The following KSR2 variants were observed in gnomAD, a reference collection of about 807,000 sequenced individuals.
The protein encoded by KSR2 is kinase suppressor of ras 2.
In KSR2, 25 loss-of-function variants were observed where a neutral mutation model predicts 107.8. The ratio of observed to expected loss-of-function variants is 0.23; its 90% confidence interval spans 0.17 to 0.32. The LOEUF (loss-of-function observed/expected upper bound fraction) is 0.32, where lower values mean the gene tolerates loss of function less well. Among genes scored for constraint, KSR2 ranks in the 10% least tolerant of loss-of-function variants. The pLI is 1.00. For synonymous variants in KSR2, 480 were observed against 507.0 expected (o/e 0.95, Z 0.71); for missense variants, 887 against 1,268.9 (o/e 0.70, Z 4.57).
intron 10 of KSR2, among the ~76,000 whole-genome samples, chr12:117,538,607 A>G (rs894638142): frequency 2.4e-4 from 37 of 152,328 alleles, no homozygotes; most frequent in African/African-American, 8.7e-4. Flanking sequence ...AGAGCATCCA[A>G]TGGAACTTTC....
intron 1 of KSR2, among the ~76,000 whole-genome samples, chr12:117,925,887 G>T (rs1895501645): frequency 6.6e-6 from 1 of 152,168 alleles, no homozygotes; most frequent in Admixed American, 6.6e-5. Context: ...AGTAATGGGT[G>T]CCTATGGATA....
chr12:117,554,834 T>C (rs1877544822), intron 9 of KSR2, among the ~76,000 whole-genome samples: 1 of 152,136 alleles, frequency 6.6e-6, no homozygotes, highest in Non-Finnish European at 1.5e-5. Context: ...CTAATACAGA[T>C]GGCAAAACCT....
chr12:117,905,197 T>C (rs750511336), intron 1 of KSR2, among the ~76,000 whole-genome samples: 1 of 151,840 alleles, frequency 6.6e-6, no homozygotes, highest in Non-Finnish European at 1.5e-5. Flanking sequence ...TAACATAACA[T>C]AACAAAACAA....
chr12:117,662,324 C>T (rs1884469281), intron 5 of KSR2, among the ~76,000 whole-genome samples: 1 of 152,192 alleles, frequency 6.6e-6, no homozygotes, highest in Admixed American at 6.5e-5. Flanking sequence ...GAACCTTGGC[C>T]TTAAGCCTCA....
intron 7 of KSR2, among the ~76,000 whole-genome samples, chr12:117,560,172 C>A (rs1041474368): frequency 6.6e-6 from 1 of 152,086 alleles, no homozygotes; most frequent in East Asian, 1.9e-4. Flanking sequence ...TTTCTGGGGC[C>A]CCCTGGCAGA....
chr12:117,922,127 C>T (rs558758335), intron 1 of KSR2, among the ~76,000 whole-genome samples: 23 of 152,266 alleles, frequency 1.5e-4, no homozygotes, highest in East Asian at 9.6e-4. Flanking sequence ...CGTGTTGATG[C>T]GGTATATTTA....
intron 1 of KSR2, among the ~76,000 whole-genome samples, chr12:117,876,734 T>G (rs990928118): frequency 6.7e-6 from 1 of 149,118 alleles, no homozygotes; most frequent in Non-Finnish European, 1.5e-5. Flanking sequence ...AATTCATATA[T>G]AATACATAAT....
At chr12:117,550,036 T>A (rs916564750) in intron 9 of KSR2, among the ~76,000 whole-genome samples, 2 of 152,182 alleles carry the variant, frequency 1.3e-5, no homozygotes, top group South Asian at 4.1e-4. Flanking sequence ...AGAAGGAAAC[T>A]TATTAAACTC....
At chr12:117,554,638 G>A (rs1877533240) in intron 9 of KSR2, among the ~76,000 whole-genome samples, 2 of 152,120 alleles carry the variant, frequency 1.3e-5, no homozygotes, top group Non-Finnish European at 2.9e-5. Context: ...AAGATATGAT[G>A]GTTTTATAAA....
intron 4 of KSR2, among the ~76,000 whole-genome samples, chr12:117,701,387 C>T: frequency 6.6e-6 from 1 of 152,186 alleles, no homozygotes; most frequent in African/African-American, 2.4e-5. Flanking sequence ...GCCACTGCAC[C>T]AGGCTGGAAG....
intron 4 of KSR2, among the ~76,000 whole-genome samples, chr12:117,668,339 TACC>T (rs1171028593): frequency 1.3e-5 from 2 of 152,182 alleles, no homozygotes; most frequent in Admixed American, 1.3e-4. Context: ...GTCCGGTGCC[TACC>T]AGGAGCCTCA....
At chr12:117,781,397 G>A (rs1889882780) in intron 3 of KSR2, among the ~76,000 whole-genome samples, 2 of 152,204 alleles carry the variant, frequency 1.3e-5, no homozygotes, top group Admixed American at 6.5e-5. Context: ...TCTGTCCAAA[G>A]ATGTGATCCA....
chr12:117,773,580 T>C (rs1481598841), intron 3 of KSR2, among the ~76,000 whole-genome samples: 1 of 152,038 alleles, frequency 6.6e-6, no homozygotes, highest in Non-Finnish European at 1.5e-5. Flanking sequence ...TGACAGAGAG[T>C]CTACCATTCC....
chr12:117,902,329 G>A (rs1040305623), intron 1 of KSR2, among the ~76,000 whole-genome samples: 17 of 151,698 alleles, frequency 1.1e-4, no homozygotes, highest in South Asian at 2.1e-4. Flanking sequence ...GTGGTGGCGC[G>A]TGTCAATAAT....
At chr12:117,615,975 A>C (rs1881859481) in intron 5 of KSR2, among the ~76,000 whole-genome samples, 1 of 152,122 alleles carries the variant, frequency 6.6e-6, no homozygotes, top group African/African-American at 2.4e-5. Flanking sequence ...CAATATGGTG[A>C]AACCCCACCA....
chr12:117,814,342 T>C (rs1374564421), intron 3 of KSR2, among the ~76,000 whole-genome samples: 1 of 152,072 alleles, frequency 6.6e-6, no homozygotes, highest in Non-Finnish European at 1.5e-5. Flanking sequence ...CACTATACAT[T>C]GTATGTATCA....
intron 1 of KSR2, among the ~76,000 whole-genome samples, chr12:117,954,538 T>C (rs1413503516): frequency 2.0e-5 from 3 of 152,112 alleles, no homozygotes; most frequent in African/African-American, 7.2e-5. Flanking sequence ...CTTCTATGGG[T>C]TTCTTCTTCT....
chr12:117,928,872 G>A (rs1299551280), intron 1 of KSR2, among the ~76,000 whole-genome samples: 3 of 152,174 alleles, frequency 2.0e-5, no homozygotes, highest in Non-Finnish European at 4.4e-5. Context: ...GATTGGCTAC[G>A]ACATCATGCT....
At chr12:117,844,677 A>G (rs752880532) in intron 3 of KSR2, among the ~76,000 whole-genome samples, 4 of 152,044 alleles carry the variant, frequency 2.6e-5, no homozygotes, top group Non-Finnish European at 5.9e-5. Context: ...ATAAGTACAC[A>G]CACCCAAGGA....
Sources: allele counts gnomAD v4.1 joint callset (sites outside exome capture counted in the v4.1 genomes callset), GRCh38; gene constraint gnomAD v4.1.1; transcripts MANE v1.5; gene names NCBI Gene and HGNC (gene_info 2026-07-23, HGNC 2026-07-21).